NRTN: variants seen among roughly 807,000 people sequenced by gnomAD.
NRTN encodes the protein prepro-neurturin.
Under a neutral mutation model 7.5 loss-of-function variants are expected in NRTN, and 3 were observed. That is an observed-to-expected ratio of 0.40 (90% CI 0.18 to 1.03). NRTN has a LOEUF of 1.03. Among genes scored for constraint, NRTN ranks in the 50% least tolerant of loss-of-function variants. The pLI is 0.34. For synonymous variants in NRTN, 157 were observed against 146.6 expected (o/e 1.07, Z -0.51); for missense variants, 310 against 307.0 (o/e 1.01, Z -0.07).
intron 1 of NRTN, among the ~76,000 whole-genome samples, chr19:5,815,347 G>A (rs1018141277): frequency 4.0e-5 from 6 of 150,668 alleles, no homozygotes; most frequent in African/African-American, 9.8e-5. Flanking sequence ...TTGTTCAAGT[G>A]TGTGTGTGTG....
chr19:5,823,697 C>T (rs933602152), intron 1 of NRTN, 71 bp from the exon 2 acceptor site: 12 of 287,386 alleles, frequency 4.2e-5, no homozygotes, highest in South Asian at 1.1e-4. Context: ...ACCCTCCCCG[C>T]GCCTTTGTCC....
rs139979747 is a variant in NRTN, at chr19:5,820,146, G to A, written c.-398-3622G>A. 6.7e-4 allele frequency among the ~76,000 whole-genome samples: 99 copies of A among 147,604 alleles called. No homozygotes were observed. In the East Asian group the frequency reaches 0.018, roughly 27 times the overall value. On this transcript the variant is annotated intron_variant, in intron 1 of 2. Coordinates refer to ENST00000303212, the MANE Select transcript of NRTN (RefSeq NM_004558.5). The stretch of plus-strand genomic sequence containing the variant: ...CTGGGCGTGGTGGCAGACGCCTGTA[G>A]TCCCAGCTACTCAGGAGGCTGAGGC...
At chr19:5,814,413 G>A in intron 1 of NRTN, among the ~76,000 whole-genome samples, 1 of 152,154 alleles carries the variant, frequency 6.6e-6, no homozygotes, top group East Asian at 1.9e-4. Context: ...GCCTCCCCAA[G>A]ATTAGAAGAG....
At chr19:5,824,442 G>A (rs2057038264) in intron 2 of NRTN, 108 bp downstream of exon 2, 1 of 1,382,398 alleles carries the variant, frequency 7.2e-7, no homozygotes, top group Non-Finnish European at 9.9e-7. Context: ...TTAAAGATAG[G>A]GCCAGCCAGC....
intron 1 of NRTN, among the ~76,000 whole-genome samples, chr19:5,814,379 A>G (rs935431347): frequency 4.6e-5 from 7 of 152,158 alleles, no homozygotes; most frequent in African/African-American, 1.4e-4. Context: ...GAGTTTGCCA[A>G]ATTAAGATAG....
chr19:5,818,652 G>T (rs1349595415), intron 1 of NRTN, among the ~76,000 whole-genome samples: 2 of 152,046 alleles, frequency 1.3e-5, no homozygotes, highest in African/African-American at 2.4e-5. Flanking sequence ...ACAAATGTGT[G>T]TCTCTATGCA....
At chr19:5,810,183 C>T (rs1369368284) in intron 1 of NRTN, among the ~76,000 whole-genome samples, 6 of 149,046 alleles carry the variant, frequency 4.0e-5, no homozygotes, top group South Asian at 4.2e-4. Context: ...AGGAGAATGG[C>T]GTGAACCCGG....
intron 1 of NRTN, among the ~76,000 whole-genome samples, chr19:5,816,033 C>T (rs1189600756): frequency 6.6e-6 from 1 of 152,132 alleles, no homozygotes; most frequent in Non-Finnish European, 1.5e-5. Context: ...GCGTGAGCCA[C>T]TGTGCCTGGC....
chr19:5,825,238 C>T (rs1409953957), intron 2 of NRTN, among the ~76,000 whole-genome samples: 1 of 152,180 alleles, frequency 6.6e-6, no homozygotes, highest in Non-Finnish European at 1.5e-5. Context: ...CCTCGCCCAA[C>T]TCCCCACCAA....
At chr19:5,810,635 A>G (rs2056987205) in intron 1 of NRTN, among the ~76,000 whole-genome samples, 1 of 152,048 alleles carries the variant, frequency 6.6e-6, no homozygotes, top group South Asian at 2.1e-4. Flanking sequence ...GCACGTGGTT[A>G]AGAATATGGA....
chr19:5,815,581 G>C (rs1018906560), intron 1 of NRTN, among the ~76,000 whole-genome samples: 6 of 151,674 alleles, frequency 4.0e-5, no homozygotes, highest in Middle Eastern at 3.2e-3. Context: ...GATTACAGGC[G>C]TGCACTACCA....
intron 1 of NRTN, among the ~76,000 whole-genome samples, chr19:5,823,023 C>CA (rs1298204482): frequency 9.3e-5 from 10 of 107,626 alleles, no homozygotes; most frequent in African/African-American, 2.2e-4. Context: ...GACCCTGTCT[C>CA]AAAAAAAAAG....
intron 2 of NRTN, among the ~76,000 whole-genome samples, chr19:5,825,996 G>A (rs559388836): frequency 5.9e-5 from 9 of 152,148 alleles, no homozygotes; most frequent in Admixed American, 2.6e-4. Context: ...TTAGCCGGGC[G>A]TGGTGGCGGG....
chr19:5,813,104 G>A (rs1388259325), intron 1 of NRTN, among the ~76,000 whole-genome samples: 6 of 152,174 alleles, frequency 3.9e-5, no homozygotes, highest in African/African-American at 1.2e-4. Flanking sequence ...GCCAGGCATG[G>A]TGGCTCACAC....
chr19:5,810,893 C>T (rs1407085560), intron 1 of NRTN, among the ~76,000 whole-genome samples: 1 of 151,040 alleles, frequency 6.6e-6, no homozygotes, highest in Non-Finnish European at 1.5e-5. Context: ...CGCTCCACTG[C>T]ACTCCAGCCT....
Position 5,828,208 on chromosome 19 carries a change from C to T in NRTN, c.*35C>T, listed in dbSNP as rs1272605515. The T allele has an allele frequency of 6.6e-7, 1 of 1,526,260 alleles. No homozygotes were observed. Among genetic ancestry groups the T allele is most frequent in the Non-Finnish European group, 8.8e-7 (1 of 1,142,300 alleles). 94.5% of individuals were successfully genotyped at this position (1,526,260 alleles called of 1,614,324 possible). A position where few individuals can be genotyped will look rare whatever the true frequency, so the allele number is the denominator to read the frequency against. On this transcript the variant is annotated 3_prime_UTR_variant, in exon 3 of 3. Coordinates refer to ENST00000303212, the MANE Select transcript of NRTN (RefSeq NM_004558.5). ...ACTCGGCCGGCGCGGCGGCCACTCC[C>T]CCCGCCTCGACGGCACCACTGGCCG... is the stretch of plus-strand genomic sequence containing the variant.
At chr19:5,812,595 G>A (rs1429604086) in intron 1 of NRTN, among the ~76,000 whole-genome samples, 2 of 152,264 alleles carry the variant, frequency 1.3e-5, no homozygotes, top group East Asian at 1.9e-4. Flanking sequence ...GTTCGAGGCT[G>A]TCCTGGCTGC....
intron 1 of NRTN, among the ~76,000 whole-genome samples, chr19:5,818,306 A>C (rs1199800526): frequency 6.6e-6 from 1 of 152,088 alleles, no homozygotes; most frequent in Admixed American, 6.6e-5. Context: ...TCGAGTGAGA[A>C]TGCTTGAGCA....
At chr19:5,825,134 G>A (rs574234032) in intron 2 of NRTN, among the ~76,000 whole-genome samples, 254 of 152,114 alleles carry the variant, frequency 1.7e-3, no homozygotes, top group African/African-American at 5.9e-3. Flanking sequence ...AAGGGGTGAG[G>A]AGGGGTGGAG....
Sources: allele counts gnomAD v4.1 joint callset (sites outside exome capture counted in the v4.1 genomes callset), GRCh38; gene constraint gnomAD v4.1.1; transcripts MANE v1.5; gene names NCBI Gene and HGNC (gene_info 2026-07-23, HGNC 2026-07-21).